The following GALNT13 variants were observed in gnomAD, a reference collection of about 807,000 sequenced individuals.
GALNT13 encodes the protein polypeptide N-acetylgalactosaminyltransferase 13.
In GALNT13, 28 loss-of-function variants were observed where a neutral mutation model predicts 64.2. The ratio of observed to expected loss-of-function variants is 0.44; its 90% CI spans 0.32 to 0.60. The LOEUF (loss-of-function observed/expected upper bound fraction) is 0.60. Among genes scored for constraint, GALNT13 ranks in the 20% least tolerant of loss-of-function variants. GALNT13 has a pLI of 0.05. For synonymous variants in GALNT13, 214 were observed against 224.6 expected, an observed-to-expected ratio of 0.95 and a Z score of 0.42; for missense variants, 577 against 669.8, an observed-to-expected ratio of 0.86 and a Z score of 1.53.
chr2:153,426,592 A>C, the GALNT13 span, among the ~76,000 whole-genome samples: 1 of 152,086 alleles, frequency 6.6e-6, no homozygotes. Context: ...TCATGTGCAT[A>C]TACTCTGTGC....
At chr2:153,474,606 T>C in the GALNT13 span, among the ~76,000 whole-genome samples, 5 of 152,176 alleles carry the variant, frequency 3.3e-5, no homozygotes, top group African/African-American at 4.8e-5. Context: ...TTATCAACAA[T>C]TGGTTAAGCT....
intron 9 of GALNT13, among the ~76,000 whole-genome samples, chr2:154,353,983 C>T (rs1696565725): frequency 6.6e-6 from 1 of 152,182 alleles, no homozygotes; most frequent in Non-Finnish European, 1.5e-5. Context: ...TAGGAACCAT[C>T]ATACTGACTT....
intron 7 of GALNT13, among the ~76,000 whole-genome samples, chr2:154,254,634 G>T (rs934634935): frequency 2.6e-5 from 4 of 152,176 alleles, no homozygotes; most frequent in Admixed American, 1.3e-4. Context: ...AAAAAATGTG[G>T]TTTTTCATTT....
chr2:153,658,875 T>C, the GALNT13 span, among the ~76,000 whole-genome samples: 2 of 152,140 alleles, frequency 1.3e-5, no homozygotes, highest in Non-Finnish European at 2.9e-5. Context: ...TTTTAAATAC[T>C]ATGCAAGAAA....
At chr2:154,022,955 C>A (rs1697638067) in intron 3 of GALNT13, among the ~76,000 whole-genome samples, 1 of 152,042 alleles carries the variant, frequency 6.6e-6, no homozygotes, top group South Asian at 2.1e-4. Context: ...CATTATTTAC[C>A]CAGTTGTCAT....
chr2:154,183,497 G>T (rs945899352), intron 4 of GALNT13, among the ~76,000 whole-genome samples: 1 of 152,052 alleles, frequency 6.6e-6, no homozygotes, highest in African/African-American at 2.4e-5. Flanking sequence ...GATTGCTTGA[G>T]CCTGGAAGTT....
chr2:153,933,113 G>C (rs1390657106), intron 2 of GALNT13, among the ~76,000 whole-genome samples: 1 of 152,132 alleles, frequency 6.6e-6, no homozygotes, highest in Non-Finnish European at 1.5e-5. Context: ...GGGATGAAGA[G>C]TTCTGTATAT....
chr2:153,908,051 C>T (rs758347959), intron 2 of GALNT13, among the ~76,000 whole-genome samples: 16 of 151,962 alleles, frequency 1.1e-4, no homozygotes, highest in East Asian at 1.9e-4. Flanking sequence ...TGTTCCCTTT[C>T]GCCACAACCT....
At chr2:153,891,323 C>T (rs1409444005) in intron 1 of GALNT13, among the ~76,000 whole-genome samples, 1 of 152,014 alleles carries the variant, frequency 6.6e-6, no homozygotes, top group African/African-American at 2.4e-5. Context: ...ATAGTTGAAA[C>T]TGCCTTTCTA....
the GALNT13 span, among the ~76,000 whole-genome samples, chr2:153,727,088 T>C: frequency 6.6e-6 from 1 of 152,162 alleles, no homozygotes; most frequent in African/African-American, 2.4e-5. Flanking sequence ...TTGAAACCTG[T>C]AAAACATTAA....
the GALNT13 span, among the ~76,000 whole-genome samples, chr2:153,842,719 G>C: frequency 1.6e-5 from 1 of 61,306 alleles, no homozygotes; most frequent in Admixed American, 2.4e-4. Context: ...AATTACAAAA[G>C]GATAACACAC....
the GALNT13 span, among the ~76,000 whole-genome samples, chr2:153,178,514 A>T: frequency 1.3e-5 from 2 of 152,120 alleles, no homozygotes; most frequent in Non-Finnish European, 2.9e-5. Context: ...TATCTTTGAG[A>T]ACTATCTGTT....
chr2:153,987,549 T>C (rs1694881256), intron 3 of GALNT13, among the ~76,000 whole-genome samples: 1 of 151,924 alleles, frequency 6.6e-6, no homozygotes, highest in Admixed American at 6.6e-5. Flanking sequence ...TAGTAAAGCC[T>C]AGTCTTATGT....
chr2:153,450,752 A>G, the GALNT13 span, among the ~76,000 whole-genome samples: 1 of 152,152 alleles, frequency 6.6e-6, no homozygotes, highest in Non-Finnish European at 1.5e-5. Flanking sequence ...AGGCCATTAA[A>G]ATGTCCCTCT....
At chr2:153,961,742 C>T (rs1318716433) in intron 3 of GALNT13, among the ~76,000 whole-genome samples, 1 of 151,850 alleles carries the variant, frequency 6.6e-6, no homozygotes, top group African/African-American at 2.4e-5. Flanking sequence ...TCCACAAATA[C>T]TTGATTGATT....
At chr2:153,193,522 A>C in the GALNT13 span, among the ~76,000 whole-genome samples, 1 of 151,932 alleles carries the variant, frequency 6.6e-6, no homozygotes, top group South Asian at 2.1e-4. Flanking sequence ...GGTGCAGTGC[A>C]CCAGCACGGC....
the GALNT13 span, among the ~76,000 whole-genome samples, chr2:153,235,257 G>C: frequency 6.6e-6 from 1 of 152,072 alleles, no homozygotes; most frequent in Non-Finnish European, 1.5e-5. Context: ...GCCCAGTTCA[G>C]GTTTTTGACT....
intron 3 of GALNT13, among the ~76,000 whole-genome samples, chr2:153,985,263 C>T (rs1253078805): frequency 2.0e-5 from 3 of 152,014 alleles, no homozygotes; most frequent in South Asian, 2.1e-4. Flanking sequence ...AAGACCCTTA[C>T]ATCCTACTTA....
chr2:153,341,163 C>A, the GALNT13 span, among the ~76,000 whole-genome samples: 4 of 152,312 alleles, frequency 2.6e-5, no homozygotes, highest in East Asian at 7.7e-4. Flanking sequence ...ATTTAATCTT[C>A]CATTTCTTTC....
Sources: gnomAD v4.1 joint callset for allele counts (sites outside exome capture counted in the v4.1 genomes callset) on GRCh38, gnomAD v4.1.1 for gene constraint, MANE v1.5 for transcripts, NCBI Gene and HGNC (gene_info 2026-07-23, HGNC 2026-07-21) for gene names.